ZNF385D: variants seen among roughly 807,000 people sequenced by gnomAD.
The protein encoded by ZNF385D is zinc finger protein 659.
In ZNF385D, 15 loss-of-function variants were observed where a neutral mutation model predicts 35.8. The ratio of observed to expected loss-of-function variants is 0.42; its 90% CI spans 0.28 to 0.64. ZNF385D has a LOEUF of 0.64. ZNF385D is among the 30% of genes least tolerant of loss of function. The pLI is 0.23. For missense variants in ZNF385D, 474 were observed against 494.6 expected (o/e 0.96, Z 0.39); for synonymous variants, 212 against 186.8 (o/e 1.13, Z -1.10).
chr3:21,797,056 G>C (rs2072185916), intron 3 of ZNF385D, among the ~76,000 whole-genome samples: 1 of 152,136 alleles, frequency 6.6e-6, no homozygotes, highest in Non-Finnish European at 1.5e-5. Context: ...ATCGTCAAGA[G>C]AAAAATAAGT....
At chr3:22,082,825 C>A (rs1435490732) in intron 3 of ZNF385D, among the ~76,000 whole-genome samples, 1 of 152,146 alleles carries the variant, frequency 6.6e-6, no homozygotes, top group Non-Finnish European at 1.5e-5. Context: ...CCTCATACAG[C>A]AAGATGCCCC....
chr3:22,120,639 T>A (rs2125664094), intron 3 of ZNF385D, among the ~76,000 whole-genome samples: 1 of 152,260 alleles, frequency 6.6e-6, no homozygotes, highest in South Asian at 2.1e-4. Flanking sequence ...ACACAAATCA[T>A]TTAAAAGAAA....
Position 21,602,014 on chromosome 3 carries a change from A to G in ZNF385D, c.166-37330T>C, listed in dbSNP as rs186207045. 2.6e-3 allele frequency among the ~76,000 whole-genome samples: 400 copies of G among 152,318 alleles called. 12 individuals carry two copies. The highest frequency in any genetic ancestry group is 7.3e-4 in the Non-Finnish European group (50 of 68,030). ...GAGACTGGGTAATTTATAAAGAAAA[A>G]GGTGTAATTGACTTACAGTTCCACA... On this transcript the variant is annotated intron_variant, in intron 2 of 7. Coordinates refer to ENST00000281523, the MANE Select transcript of ZNF385D (RefSeq NM_024697.3).
chr3:21,865,380 T>C (rs1679224), intron 3 of ZNF385D, among the ~76,000 whole-genome samples: 1 of 151,746 alleles, frequency 6.6e-6, no homozygotes, highest in Non-Finnish European at 1.5e-5. Flanking sequence ...TCGTGAAAGA[T>C]AAAATCCTTG....
intron 3 of ZNF385D, among the ~76,000 whole-genome samples, chr3:21,991,237 G>A (rs547039819): frequency 6.6e-6 from 1 of 152,138 alleles, no homozygotes; most frequent in African/African-American, 2.4e-5. Flanking sequence ...TAGATGGAAA[G>A]CAGTTGTACT....
At chr3:21,837,130 A>AT (rs964421508) in intron 3 of ZNF385D, among the ~76,000 whole-genome samples, 1 of 151,992 alleles carries the variant, frequency 6.6e-6, no homozygotes, top group African/African-American at 2.4e-5. Flanking sequence ...GCTAAGTGAA[A>AT]TTTTTTTTAT....
At chr3:22,107,022 G>C (rs543398692) in intron 3 of ZNF385D, among the ~76,000 whole-genome samples, 5 of 63,526 alleles carry the variant, frequency 7.9e-5, no homozygotes, top group South Asian at 9.6e-4. Context: ...ACTTTGGAAT[G>C]AGAGTTTTTT....
intron 3 of ZNF385D, among the ~76,000 whole-genome samples, chr3:21,908,126 C>G (rs576470022): frequency 2.6e-5 from 3 of 115,114 alleles, no homozygotes; most frequent in African/African-American, 1.1e-4. Context: ...CTATATCTAT[C>G]TATCTATCTA....
intron 2 of ZNF385D, among the ~76,000 whole-genome samples, chr3:21,568,196 T>TAC (rs2063214618): frequency 6.6e-6 from 1 of 151,268 alleles, no homozygotes; most frequent in Non-Finnish European, 1.5e-5. Context: ...CAATAAATCA[T>TAC]TCACACGTAT....
At chr3:22,085,051 G>A (rs1393385142) in intron 3 of ZNF385D, among the ~76,000 whole-genome samples, 1 of 152,186 alleles carries the variant, frequency 6.6e-6, no homozygotes, top group Non-Finnish European at 1.5e-5. Context: ...CAACATATCA[G>A]AATCTCTGCG....
At chr3:21,687,902 G>GT (rs953588009) in intron 1 of ZNF385D, among the ~76,000 whole-genome samples, 83 of 147,498 alleles carry the variant, frequency 5.6e-4, no homozygotes, top group Middle Eastern at 3.5e-3. Context: ...AACAAAATCT[G>GT]TTTTTTTTTT....
chr3:21,970,142 A>G (rs760617148), intron 3 of ZNF385D, among the ~76,000 whole-genome samples: 1 of 152,180 alleles, frequency 6.6e-6, no homozygotes, highest in Non-Finnish European at 1.5e-5. Flanking sequence ...GAATAAATAT[A>G]TAATTCTTCA....
chr3:21,765,252 G>C (rs1315523485), intron 3 of ZNF385D, among the ~76,000 whole-genome samples: 1 of 151,972 alleles, frequency 6.6e-6, no homozygotes, highest in Non-Finnish European at 1.5e-5. Context: ...TTGAGTGTGT[G>C]TGTTATAGAT....
At chr3:21,689,130 C>CA (rs5847126) in intron 1 of ZNF385D, among the ~76,000 whole-genome samples, 5,579 of 114,254 alleles carry the variant, frequency 0.049, 132 homozygotes, top group Middle Eastern at 0.088. Context: ...CTTATTGAAG[C>CA]AAAAAAAAAA....
rs1507815 is a variant in ZNF385D at position 21,417,009 on chromosome 3, T to C, written c.*4205A>G. ...ATATCTTACATGATGTTGGCATAAG[T>C]GCGATCATAATAAGTGAGTACTAAG... On this transcript the variant is annotated 3_prime_UTR_variant, in exon 8 of 8. Coordinates refer to ENST00000281523, the MANE Select transcript of ZNF385D (RefSeq NM_024697.3). 0.22 allele frequency: 33,330 copies of C among 151,966 alleles called. 4,208 individuals are homozygous for C. The highest frequency in any genetic ancestry group is 0.42 in the East Asian group (2,147 of 5,130). The allele number at this position is 151,966 out of a possible 1,614,324, so 9.4% of individuals were successfully genotyped here. A position where few individuals can be genotyped will look rare whatever the true frequency, so the allele number is the denominator to read the frequency against.
intron 3 of ZNF385D, among the ~76,000 whole-genome samples, chr3:21,759,797 G>T (rs1351471623): frequency 1.3e-5 from 2 of 152,130 alleles, no homozygotes; most frequent in Non-Finnish European, 2.9e-5. Flanking sequence ...TAAAAAAAGA[G>T]ATTCTTCATG....
intron 2 of ZNF385D, among the ~76,000 whole-genome samples, chr3:22,215,065 C>A (rs1452955006): frequency 6.6e-6 from 1 of 151,982 alleles, no homozygotes; most frequent in Non-Finnish European, 1.5e-5. Flanking sequence ...CCCTTTATTT[C>A]TCAGACCGGC....
At chr3:22,140,553 C>T (rs1040715521) in intron 3 of ZNF385D, among the ~76,000 whole-genome samples, 4 of 152,116 alleles carry the variant, frequency 2.6e-5, no homozygotes, top group South Asian at 2.1e-4. Context: ...AAAGCTAGTA[C>T]AATCCAAATA....
chr3:22,028,719 T>C (rs1477207408), intron 3 of ZNF385D, among the ~76,000 whole-genome samples: 3 of 152,186 alleles, frequency 2.0e-5, no homozygotes, highest in Admixed American at 6.5e-5. Flanking sequence ...GACCAAGGCA[T>C]TCACTTTATG....
Sources: gnomAD v4.1 joint callset for allele counts (sites outside exome capture counted in the v4.1 genomes callset) on GRCh38, gnomAD v4.1.1 for gene constraint, MANE v1.5 for transcripts, NCBI Gene and HGNC (gene_info 2026-07-23, HGNC 2026-07-21) for gene names.